The following NPAS3 variants were observed in gnomAD, a reference collection of about 807,000 sequenced individuals.
NPAS3 encodes the protein neuronal PAS domain-containing protein 3.
NPAS3 carries 14 observed loss-of-function variants against 73.1 expected under a neutral mutation model. The ratio of observed to expected loss-of-function variants is 0.19; its 90% confidence interval spans 0.13 to 0.30. The LOEUF is 0.30. Ranked by LOEUF, NPAS3 falls within the 10% of genes least tolerant of loss-of-function variation. NPAS3 has a pLI of 1.00. For synonymous variants in NPAS3, 620 were observed against 541.5 expected (o/e 1.14, Z -2.01); for missense variants, 1,096 against 1,250.0 (o/e 0.88, Z 1.86).
At chr14:33,385,028 G>C (rs2046718187) in intron 4 of NPAS3, among the ~76,000 whole-genome samples, 1 of 152,126 alleles carries the variant, frequency 6.6e-6, no homozygotes, top group Admixed American at 6.5e-5. Context: ...GTGAGCAGGA[G>C]GACACGTCAT....
At chr14:33,465,903 T>A (rs1036148043) in intron 4 of NPAS3, among the ~76,000 whole-genome samples, 3 of 152,114 alleles carry the variant, frequency 2.0e-5, no homozygotes, top group African/African-American at 7.2e-5. Context: ...ATATAATAGA[T>A]AATAAAATGC....
intron 3 of NPAS3, among the ~76,000 whole-genome samples, chr14:33,334,389 C>T (rs1317097164): frequency 1.3e-5 from 2 of 152,168 alleles, no homozygotes; most frequent in African/African-American, 4.8e-5. Flanking sequence ...TCCCTGCCCC[C>T]AACCACAATC....
At chr14:33,444,096 C>T (rs2049374333) in intron 4 of NPAS3, among the ~76,000 whole-genome samples, 2 of 152,092 alleles carry the variant, frequency 1.3e-5, no homozygotes, top group Admixed American at 1.3e-4. Flanking sequence ...CTTCAAGTCA[C>T]CTTGAGAGAC....
At chr14:33,507,630 G>C (rs1218587593) in intron 4 of NPAS3, among the ~76,000 whole-genome samples, 1 of 151,902 alleles carries the variant, frequency 6.6e-6, no homozygotes, top group Non-Finnish European at 1.5e-5. Context: ...TTAGCCTACT[G>C]TTCTCCCTCA....
intron 1 of NPAS3, among the ~76,000 whole-genome samples, chr14:33,025,646 G>A (rs2039774097): frequency 6.6e-6 from 1 of 152,136 alleles, no homozygotes; most frequent in African/African-American, 2.4e-5. Flanking sequence ...GGATCATGGG[G>A]GTAGATTTCC....
intron 3 of NPAS3, among the ~76,000 whole-genome samples, chr14:33,349,680 G>A (rs914551897): frequency 6.6e-6 from 1 of 151,532 alleles, no homozygotes; most frequent in East Asian, 1.9e-4. Context: ...CACTTTGTTA[G>A]TTAGGAAACC....
chr14:33,683,613 C>G (rs1422446931), intron 6 of NPAS3, among the ~76,000 whole-genome samples: 3 of 152,144 alleles, frequency 2.0e-5, no homozygotes, highest in Admixed American at 6.6e-5. Flanking sequence ...CTGCACTAAA[C>G]AGCAGACTTA....
intron 1 of NPAS3, among the ~76,000 whole-genome samples, chr14:32,987,269 C>T (rs1191878064): frequency 7.0e-6 from 1 of 142,878 alleles, no homozygotes; most frequent in African/African-American, 2.6e-5. Context: ...AGCAATTTCC[C>T]TTCTCTCCCT....
At chr14:33,040,464 G>A (rs184714532) in intron 1 of NPAS3, among the ~76,000 whole-genome samples, 58 of 152,222 alleles carry the variant, frequency 3.8e-4, no homozygotes, top group African/African-American at 1.3e-3. Flanking sequence ...TGTATAAAAT[G>A]AGTCATTCTT....
At chr14:33,388,569 G>A (rs982329089) in intron 4 of NPAS3, among the ~76,000 whole-genome samples, 36 of 152,260 alleles carry the variant, frequency 2.4e-4, no homozygotes, top group African/African-American at 8.7e-4. Context: ...TAGTTGTGGG[G>A]AAAGGTTATA....
At chr14:33,087,812 C>G (rs2042087770) in intron 2 of NPAS3, among the ~76,000 whole-genome samples, 2 of 152,104 alleles carry the variant, frequency 1.3e-5, no homozygotes, top group Admixed American at 1.3e-4. Context: ...TCAAATAGAT[C>G]AGTTTTCTTG....
At chr14:33,255,940 C>T (rs1181333952) in intron 3 of NPAS3, among the ~76,000 whole-genome samples, 1 of 152,096 alleles carries the variant, frequency 6.6e-6, no homozygotes, top group Non-Finnish European at 1.5e-5. Flanking sequence ...GAGAGTTGCT[C>T]TTTAGGCTAA....
At chr14:33,477,603 G>C (rs957783190) in intron 4 of NPAS3, among the ~76,000 whole-genome samples, 1 of 152,042 alleles carries the variant, frequency 6.6e-6, no homozygotes, top group African/African-American at 2.4e-5. Flanking sequence ...ACCCATGATG[G>C]GGTGACTTCT....
intron 6 of NPAS3, among the ~76,000 whole-genome samples, chr14:33,707,823 G>A (rs1039976005): frequency 6.6e-6 from 1 of 152,192 alleles, no homozygotes; most frequent in African/African-American, 2.4e-5. Context: ...GGTGTCGGGA[G>A]AAGCTGGAGG....
At chr14:33,170,457 TAAAAC>T (rs776847559) in intron 2 of NPAS3, among the ~76,000 whole-genome samples, 22 of 152,214 alleles carry the variant, frequency 1.4e-4, no homozygotes, top group East Asian at 5.8e-4. Context: ...GGCAATTTCT[TAAAAC>T]AAGACAATGA....
At chr14:33,564,527 T>C (rs370775903) in intron 5 of NPAS3, among the ~76,000 whole-genome samples, 7 of 152,302 alleles carry the variant, frequency 4.6e-5, no homozygotes, top group African/African-American at 1.7e-4. Flanking sequence ...CGGAGAGCGA[T>C]GTTCTGTTCC....
chr14:33,300,709 G>T (rs2042495196), intron 3 of NPAS3, among the ~76,000 whole-genome samples: 1 of 152,110 alleles, frequency 6.6e-6, no homozygotes, highest in Admixed American at 6.5e-5. Flanking sequence ...CGGGTGAGGG[G>T]TGGAGTCTCC....
At chr14:33,456,871 A>T (rs1029951249) in intron 4 of NPAS3, among the ~76,000 whole-genome samples, 1 of 152,158 alleles carries the variant, frequency 6.6e-6, no homozygotes, top group African/African-American at 2.4e-5. Flanking sequence ...TCAGGATTTA[A>T]AAACCAGAAG....
chr14:33,006,633 C>T (rs2039012527), intron 1 of NPAS3, among the ~76,000 whole-genome samples: 1 of 152,116 alleles, frequency 6.6e-6, no homozygotes, highest in South Asian at 2.1e-4. Context: ...ATTATTATTA[C>T]CATTATTTTT....
Sources: gnomAD v4.1 joint callset for allele counts (sites outside exome capture counted in the v4.1 genomes callset) on GRCh38, gnomAD v4.1.1 for gene constraint, MANE v1.5 for transcripts, NCBI Gene and HGNC (gene_info 2026-07-23, HGNC 2026-07-21) for gene names.